The following DOCK3 variants were observed in gnomAD, a reference collection of about 807,000 sequenced individuals.
The protein encoded by DOCK3 is dedicator of cytokinesis 3.
DOCK3 carries 60 observed loss-of-function variants against 265.6 expected under a neutral mutation model. The observed-to-expected ratio is 0.23, with a 90% confidence interval of 0.18 to 0.28. The LOEUF (loss-of-function observed/expected upper bound fraction) is 0.28. DOCK3 is among the 10% of genes least tolerant of loss of function. DOCK3 has a pLI of 1.00. For synonymous variants in DOCK3, 881 were observed against 938.0 expected, an observed-to-expected ratio of 0.94 and a Z score of 1.11; for missense variants, 1,981 against 2,594.3, an observed-to-expected ratio of 0.76 and a Z score of 5.14.
chr3:51,139,776 A>G (rs1048380258), intron 9 of DOCK3, among the ~76,000 whole-genome samples: 16 of 152,232 alleles, frequency 1.1e-4, no homozygotes, highest in African/African-American at 3.6e-4. Context: ...TTCTCTAGGA[A>G]ACTGGCATTT....
chr3:50,730,097 CATTTAAG>C (rs2038100116), intron 1 of DOCK3, among the ~76,000 whole-genome samples: 1 of 152,004 alleles, frequency 6.6e-6, no homozygotes, highest in African/African-American at 2.4e-5. Context: ...TTCTATGACA[CATTTAAG>C]GAAGAAGTAA....
intron 5 of DOCK3, among the ~76,000 whole-genome samples, chr3:51,018,717 A>T (rs962490892): frequency 6.6e-6 from 1 of 151,874 alleles, no homozygotes; most frequent in African/African-American, 2.4e-5. Flanking sequence ...TGAAACAAAG[A>T]TAACAGGTAT....
intron 14 of DOCK3, among the ~76,000 whole-genome samples, chr3:51,215,196 C>T: frequency 6.6e-6 from 1 of 152,166 alleles, no homozygotes; most frequent in East Asian, 1.9e-4. Flanking sequence ...CAAACTCCAC[C>T]CACTAGGTGC....
chr3:50,916,092 T>C (rs1233728462), intron 4 of DOCK3, among the ~76,000 whole-genome samples: 2 of 151,960 alleles, frequency 1.3e-5, no homozygotes, highest in East Asian at 1.9e-4. Flanking sequence ...ATGTGGGCCA[T>C]AGGGGATGGG....
intron 9 of DOCK3, among the ~76,000 whole-genome samples, chr3:51,124,887 T>C (rs1422841573): frequency 6.6e-6 from 1 of 151,548 alleles, no homozygotes. Context: ...CCCAGCACTT[T>C]GGGAGGCTGC....
intron 9 of DOCK3, among the ~76,000 whole-genome samples, chr3:51,094,618 T>A (rs993302371): frequency 1.3e-5 from 2 of 151,944 alleles, no homozygotes; most frequent in Non-Finnish European, 2.9e-5. Context: ...AATGAACTCC[T>A]GGATTCATTG....
intron 3 of DOCK3, among the ~76,000 whole-genome samples, chr3:50,884,003 C>CT (rs1315239342): frequency 6.6e-6 from 1 of 151,672 alleles, no homozygotes; most frequent in Non-Finnish European, 1.5e-5. Context: ...CATCTGCCTT[C>CT]TTTCATTCAG....
chr3:50,972,492 G>A (rs1320838295), intron 5 of DOCK3, among the ~76,000 whole-genome samples: 1 of 152,190 alleles, frequency 6.6e-6, no homozygotes, highest in Non-Finnish European at 1.5e-5. Context: ...CCCACAGATG[G>A]GCAGCTCTAA....
chr3:50,938,871 T>A (rs1161574467), intron 5 of DOCK3, among the ~76,000 whole-genome samples: 5 of 150,342 alleles, frequency 3.3e-5, no homozygotes, highest in Non-Finnish European at 7.4e-5. Flanking sequence ...AGCCTGGACA[T>A]CACAGTGAGA....
chr3:51,150,429 A>C (rs894428581), intron 10 of DOCK3, among the ~76,000 whole-genome samples: 16 of 152,120 alleles, frequency 1.1e-4, no homozygotes, highest in African/African-American at 3.6e-4. Context: ...TTGTGATGTT[A>C]GGGTGTCAAT....
At chr3:50,704,177 G>A (rs1484595842) in intron 1 of DOCK3, among the ~76,000 whole-genome samples, 1 of 152,142 alleles carries the variant, frequency 6.6e-6, no homozygotes, top group Non-Finnish European at 1.5e-5. Context: ...ATATGTTGAG[G>A]CTTTATGGCC....
intron 5 of DOCK3, among the ~76,000 whole-genome samples, chr3:50,947,860 CTT>C (rs759293427): frequency 3.0e-5 from 4 of 133,260 alleles, no homozygotes; most frequent in Admixed American, 1.5e-4. Flanking sequence ...TGCAGTTTTT[CTT>C]TTTTTTTTTT....
At chr3:51,084,982 G>GA (rs1199929859) in intron 7 of DOCK3, among the ~76,000 whole-genome samples, 1 of 151,780 alleles carries the variant, frequency 6.6e-6, no homozygotes, top group Non-Finnish European at 1.5e-5. Flanking sequence ...TGAAGGGATG[G>GA]AAAAAAAATT....
intron 5 of DOCK3, among the ~76,000 whole-genome samples, chr3:51,017,123 G>A (rs1267607208): frequency 1.3e-5 from 2 of 149,130 alleles, no homozygotes; most frequent in East Asian, 1.9e-4. Context: ...TATGTGTCTA[G>A]GAATTTATTC....
At chr3:51,304,520 T>C (rs1471758529) in intron 27 of DOCK3, among the ~76,000 whole-genome samples, 2 of 152,158 alleles carry the variant, frequency 1.3e-5, no homozygotes, top group Non-Finnish European at 2.9e-5. Context: ...TGGGGGGAAC[T>C]CAGTTGTCTT....
At chr3:51,180,603 C>T (rs1481481962) in intron 12 of DOCK3, among the ~76,000 whole-genome samples, 1 of 152,088 alleles carries the variant, frequency 6.6e-6, no homozygotes, top group Non-Finnish European at 1.5e-5. Context: ...GGATATTTGT[C>T]ATTGGATTTA....
chr3:51,037,210 A>G (rs2080303482), intron 5 of DOCK3, among the ~76,000 whole-genome samples: 1 of 152,140 alleles, frequency 6.6e-6, no homozygotes, highest in South Asian at 2.1e-4. Flanking sequence ...CTGTGTAACA[A>G]CCACCTATAT....
chr3:51,131,872 C>T (rs1265116340), intron 9 of DOCK3, among the ~76,000 whole-genome samples: 1 of 152,178 alleles, frequency 6.6e-6, no homozygotes, highest in Non-Finnish European at 1.5e-5. Context: ...ATCTGGCATA[C>T]AGAAAAGAGC....
intron 7 of DOCK3, among the ~76,000 whole-genome samples, chr3:51,087,886 C>G (rs547372357): frequency 6.6e-6 from 1 of 152,094 alleles, no homozygotes; most frequent in African/African-American, 2.4e-5. Context: ...ATCCAGCAGT[C>G]CTACTACTGG....
Sources: allele counts gnomAD v4.1 joint callset (sites outside exome capture counted in the v4.1 genomes callset), GRCh38; gene constraint gnomAD v4.1.1; transcripts MANE v1.5; gene names NCBI Gene and HGNC (gene_info 2026-07-23, HGNC 2026-07-21).